GLMN: variants seen among roughly 807,000 people sequenced by gnomAD.
GLMN encodes the protein glomulin, FKBP associated protein, also known as glomulin.
Under a neutral mutation model 87.8 loss-of-function variants are expected in GLMN, and 75 were observed. The observed-to-expected ratio is 0.85, with a 90% CI of 0.71 to 1.04. The LOEUF is 1.04. Among genes scored for constraint, GLMN ranks in the 50% least tolerant of loss-of-function variants. The pLI is 0.00. For missense variants in GLMN, 588 were observed against 658.8 expected (o/e 0.89, Z 1.18); for synonymous variants, 206 against 221.6 (o/e 0.93, Z 0.63).
At chr1:92,252,345 GA>G (rs1401340569) in intron 16 of GLMN, among the ~76,000 whole-genome samples, 1 of 152,094 alleles carries the variant, frequency 6.6e-6, no homozygotes, top group African/African-American at 2.4e-5. Flanking sequence ...AATGTGCCGT[GA>G]TTGCGCCACT....
At chr1:92,302,416 A>G (rs1650915058), upstream of GLMN, among the ~76,000 whole-genome samples, 2 of 151,118 alleles carry the variant, frequency 1.3e-5, no homozygotes, top group African/African-American at 4.8e-5. Flanking sequence ...GATTTTCTTC[A>G]ATTTGTTCTA....
chr1:92,315,873 A>G, the GLMN span, among the ~76,000 whole-genome samples: 1 of 152,328 alleles, frequency 6.6e-6, no homozygotes, highest in East Asian at 1.9e-4. Flanking sequence ...GAGACAAAAC[A>G]TTGACCTAGA....
Position 92,266,757 on chromosome 1 carries a change from T to C in GLMN, c.1099-16A>G, listed in dbSNP as rs1169951169. 1 of 1,576,300 alleles carries C rather than the reference T, an allele frequency of 6.3e-7. No homozygotes were observed. The highest frequency in any genetic ancestry group is 2.2e-5 in the East Asian group (1 of 44,514). On this transcript the variant is annotated splice_polypyrimidine_tract_variant and intron_variant, in intron 11 of 18. Coordinates refer to ENST00000370360, the MANE Select transcript of GLMN (RefSeq NM_053274.3). ...TCACTAAGCCCTGGAAATAAAAAAA[T>C]GTAAAATTCAGATGTAAACAGATTA...
At chr1:92,291,634 A>G in intron 3 of GLMN, 97 bp from the exon 4 acceptor site, 2 of 1,218,340 alleles carry the variant, frequency 1.6e-6, no homozygotes. Context: ...TGTTTCTGAA[A>G]TAGGAAGATG....
upstream of GLMN, among the ~76,000 whole-genome samples, chr1:92,302,741 G>A (rs1328845130): frequency 6.6e-6 from 1 of 151,104 alleles, no homozygotes; most frequent in East Asian, 2.0e-4. Flanking sequence ...AGCTGGGACT[G>A]GGCGCCCACC....
chr1:92,337,456 C>A, the GLMN span, among the ~76,000 whole-genome samples: 1 of 152,200 alleles, frequency 6.6e-6, no homozygotes, highest in East Asian at 1.9e-4. Flanking sequence ...AGCTTTGTAT[C>A]TAGAATTCAT....
rs180892411 is a variant in GLMN at position 92,264,335 on chromosome 1, C to A, written c.1299+219G>T. On this transcript the variant is annotated intron_variant, in intron 14 of 18. Transcript: ENST00000370360. ...TCTCAAAAAAAACAAAAACAAAAAC[C>A]AAAACCTCAAAGAATACAATTTAAA... is the stretch of plus-strand genomic sequence containing the variant. Among the ~76,000 whole-genome samples the A allele has an allele frequency of 2.8e-3, 424 of 151,956 alleles. 1 individual carries two copies. Among genetic ancestry groups the A allele is most frequent in the African/African-American group, 8.2e-3 (340 of 41,472 alleles).
At chr1:92,370,526 T>G in the GLMN span, among the ~76,000 whole-genome samples, 1 of 152,144 alleles carries the variant, frequency 6.6e-6, no homozygotes, top group Non-Finnish European at 1.5e-5. Context: ...ACATTTAGAT[T>G]ATATATGAGA....
At chr1:92,333,228 C>T in the GLMN span, 1 of 589,872 alleles carries the variant, frequency 1.7e-6, no homozygotes, top group East Asian at 2.8e-5. Flanking sequence ...AACAGCCTAA[C>T]AACTGAGTTG....
chr1:92,342,445 G>A, the GLMN span, among the ~76,000 whole-genome samples: 1 of 152,194 alleles, frequency 6.6e-6, no homozygotes, highest in Non-Finnish European at 1.5e-5. Context: ...AGTACAGACT[G>A]TATAGGCCTT....
intron 9 of GLMN, among the ~76,000 whole-genome samples, chr1:92,268,728 C>G (rs1009809013): frequency 4.4e-4 from 67 of 152,204 alleles, no homozygotes; most frequent in African/African-American, 1.5e-3. Flanking sequence ...TCTTCCTTCA[C>G]CTGGTAAGAG....
At chr1:92,303,919 CT>C, upstream of GLMN, 5 of 1,145,194 alleles carry the variant, frequency 4.4e-6, no homozygotes, top group Non-Finnish European at 6.5e-6. Context: ...GCTTAGAGAG[CT>C]GATAAATGAA....
chr1:92,336,654 G>A, the GLMN span, among the ~76,000 whole-genome samples: 279 of 151,946 alleles, frequency 1.8e-3, no homozygotes, highest in Admixed American at 5.6e-3. Context: ...GTTTATTTAC[G>A]GAATAGCCTA....
chr1:92,269,888 G>A, intron 8 of GLMN, 112 bp from the exon 9 acceptor site: 1 of 732,496 alleles, frequency 1.4e-6, no homozygotes, highest in Non-Finnish European at 2.4e-6. Flanking sequence ...ATATGTTGGA[G>A]TCCTAACCTC....
chr1:92,359,880 TGAA>T, the GLMN span, among the ~76,000 whole-genome samples: 1 of 152,148 alleles, frequency 6.6e-6, no homozygotes, highest in Non-Finnish European at 1.5e-5. Flanking sequence ...CAAGGATGCC[TGAA>T]GAATACAGAG....
chr1:92,367,279 C>A, the GLMN span, among the ~76,000 whole-genome samples: 4 of 152,164 alleles, frequency 2.6e-5, no homozygotes, highest in African/African-American at 7.2e-5. Context: ...TGCTGTTAAA[C>A]CTCTTCTTTT....
chr1:92,256,874 T>TGGA lies in GLMN; in HGVS notation c.1473+5988_1473+5989insTCC, dbSNP rs1654341310. On this transcript the variant is annotated intron_variant, in intron 16 of 18. Transcript: ENST00000370360. ...CAGGGATGCCCTCTCTCACCACTCC[T>TGGA]ATTCAACATAGTATTGGAAGTTCTG... 7.9e-5 allele frequency among the ~76,000 whole-genome samples: 12 copies of TGGA among 152,012 alleles called. No individual in the cohort carries two copies. In the South Asian group the frequency reaches 2.3e-3, roughly 29 times the overall value.
intron 14 of GLMN, among the ~76,000 whole-genome samples, chr1:92,263,984 T>C (rs139884047): frequency 1.1e-4 from 17 of 152,308 alleles, no homozygotes; most frequent in Non-Finnish European, 2.4e-4. Flanking sequence ...CCATTCATTT[T>C]TGAGAAGCAT....
chr1:92,357,996 A>C, the GLMN span, among the ~76,000 whole-genome samples: 2 of 152,220 alleles, frequency 1.3e-5, no homozygotes, highest in Non-Finnish European at 2.9e-5. Context: ...GCGTGATCAT[A>C]GCCCACTGTA....
Sources: gnomAD v4.1 joint callset for allele counts (sites outside exome capture counted in the v4.1 genomes callset) on GRCh38, gnomAD v4.1.1 for gene constraint, MANE v1.5 for transcripts, NCBI Gene and HGNC (gene_info 2026-07-23, HGNC 2026-07-21) for gene names.